Variants in SAMD5 observed in about 807,000 individuals in gnomAD.
SAMD5 encodes the protein sterile alpha motif domain-containing protein 5.
Under a neutral mutation model 11.3 loss-of-function variants are expected in SAMD5, and 13 were observed. That is an observed-to-expected ratio of 1.15 (90% CI 0.75 to 1.83). SAMD5 has a LOEUF of 1.83. Ranked by LOEUF, SAMD5 falls within the 40% of genes most tolerant of loss-of-function variation. The pLI is 0.00. For synonymous variants in SAMD5, 129 were observed against 111.3 expected (o/e 1.16, Z -1.00); for missense variants, 255 against 239.1 (o/e 1.07, Z -0.44).
At chr6:147,842,952 C>G in the SAMD5 span, among the ~76,000 whole-genome samples, 2 of 152,156 alleles carry the variant, frequency 1.3e-5, no homozygotes, top group African/African-American at 4.8e-5. Flanking sequence ...CTCTGCCTCC[C>G]AGGTTCAAGT....
the SAMD5 span, among the ~76,000 whole-genome samples, chr6:147,903,910 A>G: frequency 5.5e-3 from 223 of 40,220 alleles, no homozygotes; most frequent in African/African-American, 0.046. Context: ...TCCATCTTGG[A>G]AAAAAAAAAA....
chr6:147,633,711 C>T (rs1270916180), intron 1 of SAMD5, among the ~76,000 whole-genome samples: 64 of 138,918 alleles, frequency 4.6e-4, no homozygotes, highest in African/African-American at 1.6e-3. Context: ...TTTTTTTTTA[C>T]AGCCATGGAG....
chr6:147,715,244 G>T (rs943076914), intron 1 of SAMD5, among the ~76,000 whole-genome samples: 3 of 152,184 alleles, frequency 2.0e-5, no homozygotes, highest in Non-Finnish European at 2.9e-5. Context: ...TCTCATGCCC[G>T]CCAAGAGTGA....
At chr6:147,932,587 ATTGT>A in the SAMD5 span, among the ~76,000 whole-genome samples, 2 of 118,882 alleles carry the variant, frequency 1.7e-5, no homozygotes, top group African/African-American at 6.5e-5. Context: ...GTCTTACAGA[ATTGT>A]GTGTGTGTGT....
intron 1 of SAMD5, among the ~76,000 whole-genome samples, chr6:147,693,687 C>T (rs142637482): frequency 1.7e-4 from 26 of 152,202 alleles, no homozygotes; most frequent in South Asian, 1.7e-3. Context: ...AGATTGGGGC[C>T]GGGCGCGGTG....
intron 1 of SAMD5, among the ~76,000 whole-genome samples, chr6:147,536,275 G>A (rs774164372): frequency 1.2e-4 from 18 of 152,168 alleles, no homozygotes; most frequent in African/African-American, 1.9e-4. Flanking sequence ...GAGCCACTGC[G>A]TCCGGCCAAG....
chr6:147,669,622 G>T (rs1413194782), intron 1 of SAMD5, among the ~76,000 whole-genome samples: 1 of 151,394 alleles, frequency 6.6e-6, no homozygotes, highest in Non-Finnish European at 1.5e-5. Context: ...GTAGAGATGG[G>T]GTTTCACCAT....
At chr6:147,730,074 C>CAAAAAA (rs34624038) in intron 1 of SAMD5, 988 of 306,152 alleles carry the variant, frequency 3.2e-3, no homozygotes, top group South Asian at 4.7e-3. Flanking sequence ...GACTCTGTCT[C>CAAAAAA]AAAAAAAAAA....
At chr6:147,894,618 G>A in the SAMD5 span, among the ~76,000 whole-genome samples, 1 of 152,114 alleles carries the variant, frequency 6.6e-6, no homozygotes, top group African/African-American at 2.4e-5. Context: ...CAATTCTTTA[G>A]GAAATCCCAT....
At chr6:147,707,496 TGAA>T (rs928071065) in intron 1 of SAMD5, among the ~76,000 whole-genome samples, 7 of 152,170 alleles carry the variant, frequency 4.6e-5, no homozygotes, top group Admixed American at 2.6e-4. Context: ...GGAAGAGAGA[TGAA>T]GATTTCCTTC....
rs1312465091 is a variant in SAMD5, at chr6:147,565,756, G to A, written c.*1300G>A. On this transcript the variant is annotated 3_prime_UTR_variant, in exon 2 of 2. Coordinates refer to ENST00000367474, the MANE Select transcript of SAMD5 (RefSeq NM_001030060.3). ...ATTACAGGCGTGAGCCATCACACCC[G>A]GCCTGGATGCTGGTAGTTTTATTTT... 4.1e-6 allele frequency: 4 copies of A among 984,948 alleles called. No individual in the cohort carries two copies. The highest frequency in any genetic ancestry group is 3.5e-5 in the African/African-American group (2 of 57,138). 61.0% of individuals were successfully genotyped at this position (984,948 alleles called of 1,614,324 possible).
chr6:147,553,013 A>G (rs556876366), intron 1 of SAMD5, among the ~76,000 whole-genome samples: 1 of 152,222 alleles, frequency 6.6e-6, no homozygotes, highest in Non-Finnish European at 1.5e-5. Flanking sequence ...GTGGGTTTAC[A>G]TCACTCAGTG....
At chr6:147,840,694 T>A in the SAMD5 span, among the ~76,000 whole-genome samples, 2 of 152,242 alleles carry the variant, frequency 1.3e-5, no homozygotes, top group African/African-American at 4.8e-5. Flanking sequence ...GCATATAACT[T>A]AATTCTTTGT....
chr6:147,893,680 T>A, the SAMD5 span, among the ~76,000 whole-genome samples: 1 of 152,194 alleles, frequency 6.6e-6, no homozygotes, highest in Non-Finnish European at 1.5e-5. Flanking sequence ...TACTGATACT[T>A]TGTCTATTCA....
intron 1 of SAMD5, among the ~76,000 whole-genome samples, chr6:147,661,172 C>T (rs568605625): frequency 6.6e-6 from 1 of 151,942 alleles, no homozygotes; most frequent in Non-Finnish European, 1.5e-5. Context: ...GGGAAGAGAA[C>T]ATGAAAAAGA....
At chr6:147,828,953 A>G in the SAMD5 span, among the ~76,000 whole-genome samples, 33 of 152,312 alleles carry the variant, frequency 2.2e-4, 1 homozygote, top group East Asian at 4.8e-3. Context: ...AAGAGGATAG[A>G]TGAAACCATT....
chr6:147,804,129 T>TTG, the SAMD5 span, among the ~76,000 whole-genome samples: 2 of 135,466 alleles, frequency 1.5e-5, no homozygotes, highest in African/African-American at 5.2e-5. Context: ...TTTTTTTTTT[T>TTG]GATACAGTCT....
At chr6:147,828,073 A>G in the SAMD5 span, among the ~76,000 whole-genome samples, 4 of 152,066 alleles carry the variant, frequency 2.6e-5, no homozygotes, top group Admixed American at 2.6e-4. Context: ...GGCGTGAGCC[A>G]CCGCGCCAGG....
At chr6:147,835,247 C>CAAAAAA in the SAMD5 span, among the ~76,000 whole-genome samples, 2 of 137,960 alleles carry the variant, frequency 1.4e-5, no homozygotes, top group African/African-American at 2.8e-5. Flanking sequence ...AAAAAAAAAA[C>CAAAAAA]AAAAAAAACA....
Sources: gnomAD v4.1 joint callset for allele counts (sites outside exome capture counted in the v4.1 genomes callset) on GRCh38, gnomAD v4.1.1 for gene constraint, MANE v1.5 for transcripts, NCBI Gene and HGNC (gene_info 2026-07-23, HGNC 2026-07-21) for gene names.